SASH1: variants seen among roughly 807,000 people sequenced by gnomAD.
SASH1 encodes SAM and SH3 domain-containing protein 1.
SASH1 carries 44 observed loss-of-function variants against 125.2 expected under a neutral mutation model. That is an observed-to-expected ratio of 0.35 (90% CI 0.28 to 0.45). The LOEUF (loss-of-function observed/expected upper bound fraction) is 0.45, where lower values mean the gene tolerates loss of function less well. Ranked by LOEUF, SASH1 falls within the 20% of genes least tolerant of loss-of-function variation. SASH1 has a pLI of 1.00. For missense variants in SASH1, 1,426 were observed against 1,614.5 expected, an observed-to-expected ratio of 0.88 and a Z score of 2.00; for synonymous variants, 639 against 649.1, an observed-to-expected ratio of 0.98 and a Z score of 0.24.
At chr6:148,267,257 T>G in the SASH1 span, among the ~76,000 whole-genome samples, 6 of 152,218 alleles carry the variant, frequency 3.9e-5, no homozygotes, top group East Asian at 7.7e-4. Context: ...GGTTCTAAAC[T>G]TTGGCTGCAA....
chr6:148,422,716 A>G (rs1775623974), intron 2 of SASH1, among the ~76,000 whole-genome samples: 1 of 152,182 alleles, frequency 6.6e-6, no homozygotes, highest in Non-Finnish European at 1.5e-5. Context: ...AAGGGAGGAA[A>G]ATCACTATAC....
chr6:148,318,447 G>T (rs995597611), intron 1 of SASH1, among the ~76,000 whole-genome samples: 1 of 151,754 alleles, frequency 6.6e-6, no homozygotes, highest in African/African-American at 2.4e-5. Flanking sequence ...TCATTTATTT[G>T]TTTGTTCAAA....
chr6:148,201,247 T>C, the SASH1 span, among the ~76,000 whole-genome samples: 993 of 152,344 alleles, frequency 6.5e-3, 11 homozygotes, highest in African/African-American at 0.022. Flanking sequence ...CTAGAAACTG[T>C]GCTAGGTATT....
At chr6:148,514,279 T>C in intron 8 of SASH1, 45 bp from the exon 9 acceptor site, 1 of 1,586,762 alleles carries the variant, frequency 6.3e-7, no homozygotes, top group Non-Finnish European at 8.5e-7. Flanking sequence ...CGGGCAAAGC[T>C]CGGAGCAATT....
the SASH1 span, among the ~76,000 whole-genome samples, chr6:148,208,291 G>A: frequency 2.0e-4 from 30 of 152,320 alleles, no homozygotes; most frequent in Non-Finnish European, 3.8e-4. Context: ...GTCTACTAAA[G>A]GACTATTCGG....
Position 148,430,853 on chromosome 6 carries a change from A to T in SASH1, c.286-9331A>T, listed in dbSNP as rs1583147236. Among the ~76,000 whole-genome samples, 7 of 152,322 alleles carry T rather than the reference A, an allele frequency of 4.6e-5. No individual in the cohort carries two copies. In the South Asian group the frequency reaches 1.5e-3, roughly 32 times the overall value. ...ACAGAGTACTATTTCCAGAAGATGG[A>T]GTTGACAATAGTGATTAGAGGGGCA... On this transcript the variant is annotated intron_variant, in intron 2 of 19. Coordinates refer to ENST00000367467, the MANE Select transcript of SASH1 (RefSeq NM_015278.5).
intron 2 of SASH1, among the ~76,000 whole-genome samples, chr6:148,394,904 A>G (rs1330520519): frequency 6.6e-6 from 1 of 152,180 alleles, no homozygotes; most frequent in East Asian, 1.9e-4. Context: ...TCGGCCTCCC[A>G]AAGAGCTGGG....
At chr6:148,235,064 C>A in the SASH1 span, among the ~76,000 whole-genome samples, 1 of 152,164 alleles carries the variant, frequency 6.6e-6, no homozygotes, top group Non-Finnish European at 1.5e-5. Context: ...TTGCTCAATA[C>A]CGCCATTCTA....
At chr6:148,467,133 G>C (rs912230417) in intron 4 of SASH1, among the ~76,000 whole-genome samples, 3 of 104,376 alleles carry the variant, frequency 2.9e-5, no homozygotes, top group African/African-American at 1.2e-4. Context: ...GTTTCACTCT[G>C]TTGCCCAGTC....
chr6:148,444,179 G>A (rs1776680703), intron 4 of SASH1, among the ~76,000 whole-genome samples: 1 of 152,244 alleles, frequency 6.6e-6, no homozygotes, highest in Non-Finnish European at 1.5e-5. Context: ...GGGACCCCCT[G>A]TGTGCACGCC....
chr6:148,372,153 G>A (rs1782727849), intron 1 of SASH1, among the ~76,000 whole-genome samples: 1 of 152,088 alleles, frequency 6.6e-6, no homozygotes, highest in Admixed American at 6.6e-5. Context: ...ACACTAGCAT[G>A]TAAAAACCTG....
intron 1 of SASH1, among the ~76,000 whole-genome samples, chr6:148,388,949 G>C (rs1352591925): frequency 6.6e-6 from 1 of 150,810 alleles, no homozygotes; most frequent in Non-Finnish European, 1.5e-5. Flanking sequence ...GCAGAATGTT[G>C]GGAGGTTAAA....
At chr6:148,498,523 A>G (rs539013654) in intron 8 of SASH1, among the ~76,000 whole-genome samples, 3 of 152,310 alleles carry the variant, frequency 2.0e-5, no homozygotes, top group African/African-American at 7.2e-5. Context: ...TTAATTTAAG[A>G]TAGATTACGG....
intron 2 of SASH1, among the ~76,000 whole-genome samples, chr6:148,405,827 G>A (rs1046440123): frequency 2.0e-5 from 3 of 152,162 alleles, no homozygotes; most frequent in Admixed American, 6.5e-5. Flanking sequence ...CTGTACTTCT[G>A]TATCCCAGCA....
At chr6:148,528,364 A>G (rs951888443) in intron 12 of SASH1, among the ~76,000 whole-genome samples, 3 of 152,158 alleles carry the variant, frequency 2.0e-5, no homozygotes, top group African/African-American at 7.2e-5. Flanking sequence ...CCTGTGTATG[A>G]GCTGGTTGTC....
chr6:148,196,607 G>A, the SASH1 span, among the ~76,000 whole-genome samples: 1 of 152,172 alleles, frequency 6.6e-6, no homozygotes, highest in Admixed American at 6.5e-5. Context: ...TCAGGCAAGT[G>A]CTCATCGAGC....
chr6:148,200,029 G>A, the SASH1 span, among the ~76,000 whole-genome samples: 1 of 152,148 alleles, frequency 6.6e-6, no homozygotes, highest in Non-Finnish European at 1.5e-5. Context: ...ACCCTTGATG[G>A]AATTGTATTT....
chr6:148,249,073 T>C, the SASH1 span, among the ~76,000 whole-genome samples: 1 of 152,072 alleles, frequency 6.6e-6, no homozygotes, highest in Non-Finnish European at 1.5e-5. Context: ...AACTGATGAA[T>C]GAATGAATGA....
chr6:148,412,002 G>A (rs538874576), intron 2 of SASH1, among the ~76,000 whole-genome samples: 10 of 152,244 alleles, frequency 6.6e-5, no homozygotes, highest in African/African-American at 2.4e-4. Flanking sequence ...CTGAATCTCC[G>A]TTTTGATATA....
Sources: gnomAD v4.1 joint callset for allele counts (sites outside exome capture counted in the v4.1 genomes callset) on GRCh38, gnomAD v4.1.1 for gene constraint, MANE v1.5 for transcripts, NCBI Gene and HGNC (gene_info 2026-07-23, HGNC 2026-07-21) for gene names.